Variants in CACNA2D3 observed in about 807,000 individuals in gnomAD.
CACNA2D3 encodes the protein voltage-dependent calcium channel subunit alpha-2/delta-3.
Under a neutral mutation model 160.6 loss-of-function variants are expected in CACNA2D3, and 60 were observed. That is an observed-to-expected ratio of 0.37 (90% CI 0.30 to 0.46). The LOEUF (loss-of-function observed/expected upper bound fraction) is 0.46, where lower values mean the gene tolerates loss of function less well. Among genes scored for constraint, CACNA2D3 ranks in the 20% least tolerant of loss-of-function variants. The pLI, the probability that CACNA2D3 is intolerant of heterozygous loss-of-function variation, is 1.00. For missense variants in CACNA2D3, 1,205 were observed against 1,365.0 expected, an observed-to-expected ratio of 0.88 and a Z score of 1.85; for synonymous variants, 558 against 492.9, an observed-to-expected ratio of 1.13 and a Z score of -1.75.
chr3:54,821,716 CCT>C (rs144564494), intron 14 of CACNA2D3, among the ~76,000 whole-genome samples: 9,142 of 111,136 alleles, frequency 0.082, 553 homozygotes, highest in Admixed American at 0.11. Flanking sequence ...TTCCTTCTTT[CCT>C]CTCTCTCTCT....
At chr3:54,886,724 A>G (rs1311367476) in intron 23 of CACNA2D3, among the ~76,000 whole-genome samples, 1 of 151,814 alleles carries the variant, frequency 6.6e-6, no homozygotes, top group Non-Finnish European at 1.5e-5. Context: ...GGTATATTGT[A>G]TGAATTACTA....
At chr3:54,897,844 A>G (rs1218053525) in intron 26 of CACNA2D3, among the ~76,000 whole-genome samples, 2 of 152,210 alleles carry the variant, frequency 1.3e-5, no homozygotes, top group Admixed American at 6.5e-5. Flanking sequence ...GAATGGGCTC[A>G]TTAGGAAGAC....
intron 25 of CACNA2D3, chr3:54,896,527 A>G (rs958051377): frequency 9.5e-6 from 5 of 524,676 alleles, no homozygotes; most frequent in African/African-American, 5.7e-5. Flanking sequence ...ACAAGGAAAA[A>G]TCATTTTACC....
At chr3:54,569,213 C>T (rs1702455125) in intron 6 of CACNA2D3, among the ~76,000 whole-genome samples, 1 of 152,180 alleles carries the variant, frequency 6.6e-6, no homozygotes, top group East Asian at 1.9e-4. Context: ...GCTTCAGGAG[C>T]TGAAATTCAA....
At chr3:54,160,960 T>C (rs1700333089) in intron 2 of CACNA2D3, among the ~76,000 whole-genome samples, 1 of 152,250 alleles carries the variant, frequency 6.6e-6, no homozygotes, top group East Asian at 1.9e-4. Flanking sequence ...AAAGGCGAAG[T>C]CCAGCAGGCG....
At chr3:54,369,457 G>A (rs114777987) in intron 3 of CACNA2D3, among the ~76,000 whole-genome samples, 2 of 152,130 alleles carry the variant, frequency 1.3e-5, no homozygotes, top group Non-Finnish European at 2.9e-5. Flanking sequence ...CCTTGACTTC[G>A]TCATAATCTC....
intron 5 of CACNA2D3, among the ~76,000 whole-genome samples, chr3:54,518,503 C>A (rs1378485516): frequency 1.3e-5 from 2 of 152,210 alleles, no homozygotes; most frequent in Admixed American, 1.3e-4. Context: ...CACCCAGCAC[C>A]TGTGTGACCT....
At chr3:54,892,561 A>G (rs1379213488) in intron 25 of CACNA2D3, among the ~76,000 whole-genome samples, 2 of 152,202 alleles carry the variant, frequency 1.3e-5, no homozygotes, top group Admixed American at 6.5e-5. Flanking sequence ...TTTATCATCT[A>G]TGAAGTTTGA....
chr3:54,488,845 A>G (rs1172014607), intron 4 of CACNA2D3, among the ~76,000 whole-genome samples: 2 of 152,090 alleles, frequency 1.3e-5, no homozygotes, highest in Non-Finnish European at 2.9e-5. Context: ...GACCCCTGGG[A>G]TAAGTACTAT....
At chr3:54,292,405 G>A (rs969717352) in intron 2 of CACNA2D3, among the ~76,000 whole-genome samples, 27 of 152,160 alleles carry the variant, frequency 1.8e-4, no homozygotes, top group African/African-American at 6.3e-4. Flanking sequence ...TAGAGAAAGG[G>A]AGAAAATATT....
At chr3:54,737,824 C>T (rs953726846) in intron 11 of CACNA2D3, among the ~76,000 whole-genome samples, 1 of 152,080 alleles carries the variant, frequency 6.6e-6, no homozygotes, top group Admixed American at 6.5e-5. Flanking sequence ...TTCATCACAC[C>T]CAGCTAATTT....
intron 4 of CACNA2D3, among the ~76,000 whole-genome samples, chr3:54,393,763 C>A (rs1451106997): frequency 1.3e-5 from 2 of 152,202 alleles, no homozygotes; most frequent in Admixed American, 6.5e-5. Flanking sequence ...GACGTGGTAT[C>A]CCACGTCCCA....
At chr3:54,590,095 C>A (rs1380959228) in intron 9 of CACNA2D3, among the ~76,000 whole-genome samples, 1 of 152,112 alleles carries the variant, frequency 6.6e-6, no homozygotes, top group Non-Finnish European at 1.5e-5. Context: ...CACAAAAGCC[C>A]CATACAGAAA....
At chr3:54,848,931 A>G (rs556054494) in intron 17 of CACNA2D3, among the ~76,000 whole-genome samples, 3 of 152,352 alleles carry the variant, frequency 2.0e-5, no homozygotes, top group African/African-American at 7.2e-5. Context: ...CAGAGGCAGT[A>G]GTGGTTATTT....
intron 18 of CACNA2D3, among the ~76,000 whole-genome samples, chr3:54,878,012 A>C (rs934034206): frequency 2.0e-5 from 3 of 152,194 alleles, no homozygotes; most frequent in African/African-American, 7.2e-5. Context: ...AGAGTAAAAT[A>C]TATGTTTTAT....
At chr3:54,283,786 A>AT (rs1183190518) in intron 2 of CACNA2D3, among the ~76,000 whole-genome samples, 2 of 135,118 alleles carry the variant, frequency 1.5e-5, no homozygotes, top group Non-Finnish European at 3.3e-5. Flanking sequence ...GAGGCTGCTG[A>AT]TTTTTTTTAA....
At chr3:54,781,540 C>T (rs948354534) in intron 13 of CACNA2D3, among the ~76,000 whole-genome samples, 1 of 152,238 alleles carries the variant, frequency 6.6e-6, no homozygotes, top group South Asian at 2.1e-4. Context: ...AAGACATCTA[C>T]TGAGCTAAAG....
chr3:54,659,122 G>A (rs972852829), intron 11 of CACNA2D3, among the ~76,000 whole-genome samples: 2 of 152,072 alleles, frequency 1.3e-5, no homozygotes, highest in African/African-American at 2.4e-5. Flanking sequence ...ATCTTAGTCA[G>A]TGCTTTTCTT....
At chr3:55,061,227 A>T (rs1213056615) in intron 35 of CACNA2D3, among the ~76,000 whole-genome samples, 1 of 152,270 alleles carries the variant, frequency 6.6e-6, no homozygotes, top group African/African-American at 2.4e-5. Flanking sequence ...TGAATAAATA[A>T]GTATAACAAA....
Sources: gnomAD v4.1 joint callset for allele counts (sites outside exome capture counted in the v4.1 genomes callset) on GRCh38, gnomAD v4.1.1 for gene constraint, MANE v1.5 for transcripts, NCBI Gene and HGNC (gene_info 2026-07-23, HGNC 2026-07-21) for gene names.